Variants in GRIK3 observed in about 807,000 individuals in gnomAD.
GRIK3 encodes the protein glutamate ionotropic receptor kainate type subunit 3, also known as glutamate receptor ionotropic, kainate 3.
A neutral mutation model predicts 102.5 loss-of-function variants in GRIK3; 29 were observed. That is an observed-to-expected ratio of 0.28 (90% CI 0.21 to 0.39). The LOEUF is 0.39. Ranked by LOEUF, GRIK3 falls within the 10% of genes least tolerant of loss-of-function variation. GRIK3 has a pLI of 1.00. For missense variants in GRIK3, 908 were observed against 1,252.4 expected (o/e 0.73, Z 4.15); for synonymous variants, 511 against 504.9 (o/e 1.01, Z -0.16).
At chr1:36,961,556 C>G (rs1480978443) in intron 1 of GRIK3, among the ~76,000 whole-genome samples, 1 of 152,212 alleles carries the variant, frequency 6.6e-6, no homozygotes, top group Non-Finnish European at 1.5e-5. Flanking sequence ...AGGCACAGCC[C>G]TGGGGGAGCC....
intron 1 of GRIK3, among the ~76,000 whole-genome samples, chr1:36,978,962 C>T (rs1331592603): frequency 6.6e-6 from 1 of 152,222 alleles, no homozygotes; most frequent in Admixed American, 6.5e-5. Flanking sequence ...TGAAGAACTG[C>T]AGACATTTAC....
At chr1:36,967,761 G>C (rs1054589259) in intron 1 of GRIK3, among the ~76,000 whole-genome samples, 4 of 152,160 alleles carry the variant, frequency 2.6e-5, no homozygotes, top group African/African-American at 9.7e-5. Context: ...CCTATAGACA[G>C]GTTACTTAAA....
intron 1 of GRIK3, among the ~76,000 whole-genome samples, chr1:36,921,543 G>C (rs1035790121): frequency 1.3e-5 from 2 of 152,162 alleles, no homozygotes; most frequent in African/African-American, 4.8e-5. Context: ...AGATAGCGGG[G>C]TACGTAAAGA....
Position 36,961,401 on chromosome 1 carries a change from G to GAA in GRIK3, c.116-70307_116-70306dup, listed in dbSNP as rs11409279. Among the ~76,000 whole-genome samples, 329 of 152,110 alleles carry GAA rather than the reference G, an allele frequency of 2.2e-3. 2 individuals are homozygous for GAA. Among genetic ancestry groups the GAA allele is most frequent in the African/African-American group, 6.8e-3 (280 of 41,476 alleles). On this transcript the variant is annotated intron_variant, in intron 1 of 15. Coordinates refer to ENST00000373091, the MANE Select transcript of GRIK3 (RefSeq NM_000831.4). ...GATTAGCATAATTATCCCATCAGAG[G>GAA]AAAAAAAAGCAGAAGAGAGAGGACG...
intron 1 of GRIK3, among the ~76,000 whole-genome samples, chr1:36,930,607 A>C (rs1238758375): frequency 1.3e-5 from 2 of 152,204 alleles, no homozygotes; most frequent in Non-Finnish European, 2.9e-5. Flanking sequence ...GAAATTCCAC[A>C]TGGGGCATTA....
At chr1:36,957,282 G>GGC (rs1641921597) in intron 1 of GRIK3, among the ~76,000 whole-genome samples, 2 of 152,008 alleles carry the variant, frequency 1.3e-5, no homozygotes, top group African/African-American at 4.8e-5. Flanking sequence ...TGTTCTGTGA[G>GGC]TCTGTGTGCC....
At chr1:36,970,055 C>CA (rs1450570798) in intron 1 of GRIK3, among the ~76,000 whole-genome samples, 5 of 152,164 alleles carry the variant, frequency 3.3e-5, no homozygotes, top group Admixed American at 1.3e-4. Context: ...GTGTGATATC[C>CA]AAAAACTGAG....
intron 10 of GRIK3, among the ~76,000 whole-genome samples, chr1:36,839,789 A>T (rs1024937306): frequency 3.3e-5 from 5 of 152,184 alleles, no homozygotes; most frequent in African/African-American, 9.7e-5. Context: ...GTCTCCTATT[A>T]GACTTCCACA....
At position 36,950,031 on chromosome 1, in the gene GRIK3, C is replaced by T. The variant is rs545618843; in HGVS notation, c.116-58935G>A. Among the ~76,000 whole-genome samples, 4 of 152,272 alleles carry T rather than the reference C, an allele frequency of 2.6e-5. No homozygotes were observed. In the East Asian group the frequency reaches 5.8e-4, roughly 22 times the overall value. The stretch of plus-strand genomic sequence containing the variant: ...CTGGCTCTAGAGTGTCTGTGTGTGG[C>T]CATCATACTGGAGTTGCTCTAAAAG... On this transcript the variant is annotated intron_variant, in intron 1 of 15. Coordinates refer to ENST00000373091, the MANE Select transcript of GRIK3 (RefSeq NM_000831.4).
intron 10 of GRIK3, among the ~76,000 whole-genome samples, chr1:36,839,118 G>C (rs909337221): frequency 6.6e-6 from 1 of 152,170 alleles, no homozygotes; most frequent in Non-Finnish European, 1.5e-5. Context: ...TGAGTGGTGA[G>C]GGTGGCCCAG....
At chr1:36,903,076 C>G (rs1020309333) in intron 1 of GRIK3, among the ~76,000 whole-genome samples, 1 of 152,128 alleles carries the variant, frequency 6.6e-6, no homozygotes, top group African/African-American at 2.4e-5. Flanking sequence ...CGTGAGCCAC[C>G]ACGCCCGGCC....
At chr1:36,829,416 T>G (rs1436860407) in intron 10 of GRIK3, among the ~76,000 whole-genome samples, 6 of 152,200 alleles carry the variant, frequency 3.9e-5, no homozygotes, top group South Asian at 2.1e-4. Flanking sequence ...TTTGTTTTTT[T>G]TTTTTAACAG....
intron 1 of GRIK3, among the ~76,000 whole-genome samples, chr1:36,993,692 C>T (rs1249877475): frequency 6.6e-6 from 1 of 152,174 alleles, no homozygotes. Context: ...CTGGGTTAGT[C>T]CCCTAGAGCC....
At chr1:36,960,061 C>T (rs1025590012) in intron 1 of GRIK3, among the ~76,000 whole-genome samples, 2 of 126,876 alleles carry the variant, frequency 1.6e-5, no homozygotes, top group Admixed American at 1.6e-4. Flanking sequence ...AGCCTGTGTG[C>T]CCTGTGAGCC....
chr1:36,838,017 G>A (rs1640401968), intron 10 of GRIK3, among the ~76,000 whole-genome samples: 1 of 152,288 alleles, frequency 6.6e-6, no homozygotes, highest in South Asian at 2.1e-4. Context: ...CACGGCTGAG[G>A]GGCCACCCTC....
chr1:36,895,789 A>G (rs1296064825), intron 1 of GRIK3, among the ~76,000 whole-genome samples: 1 of 152,180 alleles, frequency 6.6e-6, no homozygotes, highest in African/African-American at 2.4e-5. Flanking sequence ...CCAAGCACAA[A>G]GCAGGAAATA....
chr1:37,024,768 T>C (rs1168927603), intron 1 of GRIK3, among the ~76,000 whole-genome samples: 1 of 147,602 alleles, frequency 6.8e-6, no homozygotes, highest in Non-Finnish European at 1.5e-5. Context: ...AAAAAAGAGT[T>C]TGCTCAAGAT....
chr1:36,856,913 A>G (rs532664622), intron 7 of GRIK3, among the ~76,000 whole-genome samples: 1 of 152,238 alleles, frequency 6.6e-6, no homozygotes, highest in Non-Finnish European at 1.5e-5. Flanking sequence ...AGCAAACAGG[A>G]AGGCACAGTG....
At chr1:36,817,364 T>G in intron 12 of GRIK3, 87 bp from the exon 13 acceptor site, 1 of 899,976 alleles carries the variant, frequency 1.1e-6, no homozygotes, top group Admixed American at 1.9e-5. Context: ...CCTCTGATAC[T>G]CTAATGAAAG....
Sources: allele counts gnomAD v4.1 joint callset (sites outside exome capture counted in the v4.1 genomes callset), GRCh38; gene constraint gnomAD v4.1.1; transcripts MANE v1.5; gene names NCBI Gene and HGNC (gene_info 2026-07-23, HGNC 2026-07-21).